Variants in RBP3 observed in about 807,000 individuals in gnomAD.
RBP3 encodes the protein retinol-binding protein 3.
In RBP3, 50 loss-of-function variants were observed where a neutral mutation model predicts 64.8. The observed-to-expected ratio is 0.77, with a 90% CI of 0.61 to 0.98. RBP3 has a LOEUF of 0.98. Ranked by LOEUF, RBP3 falls within the 50% of genes least tolerant of loss-of-function variation. The probability of loss-of-function intolerance (pLI) is 0.00; values close to 1 mark genes in which losing one functional copy is unlikely to be tolerated. For missense variants in RBP3, 1,712 were observed against 1,660.5 expected (o/e 1.03, Z -0.54); for synonymous variants, 828 against 730.2 (o/e 1.13, Z -2.16).
At position 47,357,574 on chromosome 10, in the gene RBP3, G is replaced by A. The variant is rs532879557; in HGVS notation, c.*117G>A. Reference sequence around the variant, plus strand: ...CAGGAGCAGCAAAGGGGCCTGCTGAGCTCTGGTTAGGTTACAGCTGGAGGT... The same window carrying A: ...CAGGAGCAGCAAAGGGGCCTGCTGAACTCTGGTTAGGTTACAGCTGGAGGT... On this transcript the variant is annotated 3_prime_UTR_variant, in exon 4 of 4. Coordinates refer to ENST00000584701, the MANE Select transcript of RBP3 (RefSeq NM_002900.3). 22 of 805,426 alleles carry A rather than the reference G, an allele frequency of 2.7e-5. No homozygotes were observed. In the South Asian group the frequency reaches 3.4e-4, roughly 13 times the overall value. 49.9% of individuals were successfully genotyped at this position (805,426 alleles called of 1,614,324 possible).
chr10:47,351,247 C>T lies in RBP3; in HGVS notation c.2763C>T (p.Ser921=), dbSNP rs548622709. 56 of 1,613,360 alleles carry T rather than the reference C, an allele frequency of 3.5e-5. 1 individual carries two copies. In the Admixed American group the frequency reaches 4.3e-4, roughly 12 times the overall value. ...GVEPDITVPM[S]EALSIAQDIV... ...AGCCCGACATCACTGTGCCCATGAG[C>T]GAAGCCCTTTCCATAGCCCAGGACA... The change falls in exon 1 of 4, where the codon AGC becomes AGT. Residue 921 remains serine, a synonymous_variant. Transcript: ENST00000584701.
chr10:47,356,404 A>G (rs1837047802), intron 3 of RBP3, among the ~76,000 whole-genome samples: 1 of 152,178 alleles, frequency 6.6e-6, no homozygotes, highest in Non-Finnish European at 1.5e-5. Context: ...GCCACAAGCC[A>G]CCTGCGGCCA....
rs782434073 is a variant in RBP3, at chr10:47,351,304, G to A, written c.2820G>A (p.Val940=). ...CTCTGCGTGCCAAGGTGCCCACGGTGCTGCAGACGGCCGGGAAGCTGGTGG... is the reference window on the plus strand; with the variant it reads ...CTCTGCGTGCCAAGGTGCCCACGGTACTGCAGACGGCCGGGAAGCTGGTGG... The part of the protein sequence containing the change: ...IVALRAKVPT[V]LQTAGKLVAD... Residue 940 remains valine (V), a synonymous_variant, in exon 1 of 4, where the codon GTG becomes GTA. Coordinates refer to ENST00000584701, the MANE Select transcript of RBP3 (RefSeq NM_002900.3). 2.5e-6 allele frequency: 4 copies of A among 1,613,516 alleles called. No homozygotes were observed. In the South Asian group the frequency reaches 3.3e-5, roughly 13 times the overall value.
chr10:47,350,000 C>A lies in RBP3; in HGVS notation c.1516C>A (p.Leu506Ile), dbSNP rs782498728. 3 of 1,612,976 alleles carry A rather than the reference C, an allele frequency of 1.9e-6. No homozygotes were observed. Among genetic ancestry groups the A allele is most frequent in the Non-Finnish European group, 2.5e-6 (3 of 1,179,946 alleles). ...GGGCCCTGAGGCCGGCCCCGTGCAC[C>A]TCTTCACCACCTATGATCGCCGCAC... ...FQGPEAGPVH[L>I]FTTYDRRTNI... Residue 506 changes from leucine to isoleucine, a missense_variant, in exon 1 of 4, where the codon CTC becomes ATC. Physicochemically the swap from Leu to Ile is conservative, Grantham distance 5. Transcript: ENST00000584701.
Position 47,348,733 on chromosome 10 carries a change from C to T in RBP3, c.249C>T (p.Asn83=), listed in dbSNP as rs782215106. Residue 83 remains asparagine, a synonymous_variant, in exon 1 of 4, where the codon AAC becomes AAT. Coordinates refer to ENST00000584701, the MANE Select transcript of RBP3 (RefSeq NM_002900.3). ...CAGCCGGGGTGCAGAGCTCCCTGAA[C>T]GATCCTCGCCTGGTCATCTCCTATG... is the stretch of plus-strand genomic sequence containing the variant. ...VLTAGVQSSL[N]DPRLVISYEP... is the part of the protein sequence containing the mutation. The T allele has an allele frequency of 1.4e-5, 23 of 1,613,492 alleles. No homozygotes were observed. In the South Asian group the frequency reaches 1.5e-4, roughly 11 times the overall value.
Position 47,350,152 on chromosome 10 carries a change from G to A in RBP3, c.1668G>A (p.Met556Ile). Residue 556 changes from methionine (M) to isoleucine (I), a missense_variant, in exon 1 of 4, where the codon ATG (methionine) becomes ATA (isoleucine). Physicochemically the swap from Met to Ile is conservative, Grantham distance 10. Coordinates refer to ENST00000584701, the MANE Select transcript of RBP3 (RefSeq NM_002900.3). Reference protein sequence around the residue: ...ATAAEEFAFLMQSLGWATLVG... With the variant: ...ATAAEEFAFLIQSLGWATLVG... ...CCGCGGAGGAGTTCGCCTTCCTTAT[G>A]CAGTCGCTGGGCTGGGCCACACTGG... is the stretch of plus-strand genomic sequence containing the variant. 6.2e-7 allele frequency: 1 copy of A among 1,612,744 alleles called. No homozygotes were observed.
At chr10:47,352,675 G>A (rs1362172316) in intron 1 of RBP3, among the ~76,000 whole-genome samples, 2 of 152,216 alleles carry the variant, frequency 1.3e-5, no homozygotes, top group Non-Finnish European at 2.9e-5. Flanking sequence ...AGAGGGAGGA[G>A]GAGGTGCATC....
At chr10:47,355,764 G>A (rs782364554) in intron 3 of RBP3, among the ~76,000 whole-genome samples, 1 of 152,180 alleles carries the variant, frequency 6.6e-6, no homozygotes. Context: ...CAGCTAATAA[G>A]TGAAACCCAA....
At chr10:47,353,605 A>G in intron 2 of RBP3, 90 bp downstream of exon 2, 35 of 1,498,200 alleles carry the variant, frequency 2.3e-5, no homozygotes, top group Non-Finnish European at 3.2e-5. Flanking sequence ...GAAGAAAAGG[A>G]ACCCTGTGAC....
At position 47,349,690 on chromosome 10, in the gene RBP3, C is replaced by T. The variant is rs556302895; in HGVS notation, c.1206C>T (p.Asp402=). Residue 402 remains aspartate, a synonymous_variant, in exon 1 of 4, where the codon GAC becomes GAT. Transcript: ENST00000584701. ...AAACTCCTTCTTGGCCCGCGCCCGA[C>T]GCTGCAGCCGAAGACTCACCAGGGG... The part of the protein sequence containing the change: ...PTETPSWPAP[D]AAAEDSPGVA... 60 of 1,611,510 alleles carry T rather than the reference C, an allele frequency of 3.7e-5. 1 individual carries two copies. The South Asian group carries it at 4.5e-4, about 12-fold the overall frequency.
In RBP3 at chr10:47,351,112, ACT is replaced by A; in HGVS notation, c.2633_2634del (p.Ser878CysfsTer72). 2.5e-6 allele frequency: 4 copies of A among 1,612,630 alleles called. No homozygotes were observed. Among genetic ancestry groups the A allele is most frequent in the Non-Finnish European group, 3.4e-6 (4 of 1,180,016 alleles). On this transcript the variant is annotated frameshift_variant, in exon 1 of 4. Coordinates refer to ENST00000584701, the MANE Select transcript of RBP3 (RefSeq NM_002900.3). LOFTEE classifies it high-confidence loss of function. ...VIGEPTAGGA[L>X]SVGIYQVGSS... ...TTGGGGAGCCCACGGCCGGAGGCGC[ACT>A]CTCTGTGGGCATCTACCAGGTGGGC...
intron 1 of RBP3, among the ~76,000 whole-genome samples, chr10:47,352,781 T>C (rs1836994618): frequency 6.6e-6 from 1 of 152,142 alleles, no homozygotes; most frequent in Non-Finnish European, 1.5e-5. Context: ...CGATTTGGAG[T>C]CAGATGTGGA....
chr10:47,355,291 G>C, intron 2 of RBP3, 85 bp from the exon 3 acceptor site: 1 of 1,574,826 alleles, frequency 6.3e-7, no homozygotes, highest in Non-Finnish European at 8.7e-7. Context: ...CCCTCCATGG[G>C]ACAAAGATCC....
Position 47,351,076 on chromosome 10 carries a change from G to A in RBP3, c.2592G>A (p.Arg864=). The change falls in exon 1 of 4, where the codon CGG becomes CGA. Residue 864 remains arginine (R), a synonymous_variant. Transcript: ENST00000584701. ...CACACACCATGCAGGACCTGCAGCG[G>A]GCCACGGTCATTGGGGAGCCCACGG... ...AFAHTMQDLQ[R]ATVIGEPTAG... 6.2e-7 allele frequency: 1 copy of A among 1,612,062 alleles called. No individual in the cohort carries two copies. The highest frequency in any genetic ancestry group is 1.1e-5 in the South Asian group (1 of 91,046).
At chr10:47,353,936 G>A (rs1475328158) in intron 2 of RBP3, among the ~76,000 whole-genome samples, 2 of 152,180 alleles carry the variant, frequency 1.3e-5, no homozygotes, top group African/African-American at 4.8e-5. Context: ...GGTCAGTGGT[G>A]TGTGAGACAG....
Position 47,357,227 on chromosome 10 carries a change from A to C in RBP3, c.3514A>C (p.Ser1172Arg), listed in dbSNP as rs1837060273. 1 of 1,614,052 alleles carries C rather than the reference A, an allele frequency of 6.2e-7. No individual in the cohort carries two copies. Residue 1172 changes from serine (S) to arginine (R), a missense_variant, in exon 4 of 4, where the codon AGT (serine) becomes CGT (arginine). Transcript: ENST00000584701. ...GGCCCTGGTCATTGGGGAGGTGACC[A>C]GTGGGGGCTGCCAGCCACCACAGAC... Reference protein sequence around the residue: ...GRALVIGEVTSGGCQPPQTYH... With the variant: ...GRALVIGEVTRGGCQPPQTYH...
At chr10:47,352,445 C>A (rs556425784) in intron 1 of RBP3, among the ~76,000 whole-genome samples, 1 of 152,322 alleles carries the variant, frequency 6.6e-6, no homozygotes, top group South Asian at 2.1e-4. Flanking sequence ...GGGTCGGGTG[C>A]AGCTGAAAGC....
Position 47,357,325 on chromosome 10 carries a change from C to T in RBP3, c.3612C>T (p.Ser1204=). The T allele has an allele frequency of 6.2e-7, 1 of 1,614,162 alleles. No individual in the cohort carries two copies. Among genetic ancestry groups the T allele is most frequent in the Non-Finnish European group, 8.5e-7 (1 of 1,180,032 alleles). ...TARSVGASDG[S]SWEGVGVTPH... ...GTTCTGTGGGGGCCTCGGATGGCAG[C>T]TCCTGGGAAGGGGTGGGGGTGACAC... Residue 1204 remains serine (S), a synonymous_variant, in exon 4 of 4, where the codon AGC becomes AGT. Transcript: ENST00000584701.
At chr10:47,354,967 T>G (rs1398965408) in intron 2 of RBP3, among the ~76,000 whole-genome samples, 1 of 152,220 alleles carries the variant, frequency 6.6e-6, no homozygotes, top group Non-Finnish European at 1.5e-5. Flanking sequence ...GTCATAAGAT[T>G]GTCACAGAAT....
Sources: gnomAD v4.1 joint callset for allele counts (sites outside exome capture counted in the v4.1 genomes callset) on GRCh38, gnomAD v4.1.1 for gene constraint, MANE v1.5 for transcripts, NCBI Gene and HGNC (gene_info 2026-07-23, HGNC 2026-07-21) for gene names.